Variants in DMXL2 observed in about 807,000 individuals in gnomAD.
DMXL2 encodes Dmx like 2, also known as dmX-like protein 2.
In DMXL2, 103 loss-of-function variants were observed where a neutral mutation model predicts 331.1. The ratio of observed to expected loss-of-function variants is 0.31; its 90% CI spans 0.27 to 0.37. The LOEUF (loss-of-function observed/expected upper bound fraction) is 0.37, where lower values mean the gene tolerates loss of function less well. Among genes scored for constraint, DMXL2 ranks in the 10% least tolerant of loss-of-function variants. DMXL2 has a pLI of 1.00. For synonymous variants in DMXL2, 1,281 were observed against 1,252.1 expected, an observed-to-expected ratio of 1.02 and a Z score of -0.49; for missense variants, 3,171 against 3,642.9, an observed-to-expected ratio of 0.87 and a Z score of 3.33.
At chr15:51,619,363 T>C (rs2054486351) in intron 1 of DMXL2, among the ~76,000 whole-genome samples, 1 of 152,240 alleles carries the variant, frequency 6.6e-6, no homozygotes, top group Non-Finnish European at 1.5e-5. Context: ...TATCTACAGC[T>C]ACATTTACGA....
chr15:51,508,009 T>C (rs2046514143), intron 15 of DMXL2, among the ~76,000 whole-genome samples: 1 of 152,216 alleles, frequency 6.6e-6, no homozygotes, highest in South Asian at 2.1e-4. Flanking sequence ...TTAAAACTCA[T>C]AATGACAACA....
chr15:51,474,617 G>A, intron 27 of DMXL2, 25 bp from the exon 28 acceptor site: 1 of 1,553,982 alleles, frequency 6.4e-7, no homozygotes, highest in Non-Finnish European at 8.7e-7. Flanking sequence ...AAAATCATAA[G>A]ACGTATGTCA....
chr15:51,523,861 C>T (rs981314335), intron 13 of DMXL2, among the ~76,000 whole-genome samples: 5 of 152,184 alleles, frequency 3.3e-5, no homozygotes, highest in African/African-American at 1.2e-4. Context: ...AAAGGAGAAA[C>T]AGACAAATTC....
At position 51,499,453 on chromosome 15, in the gene DMXL2, A is replaced by G; in HGVS notation, c.3771T>C (p.Asp1257=). Residue 1257 remains aspartate, a synonymous_variant, in exon 18 of 44, where the codon GAT becomes GAC. Transcript: ENST00000560891. Reference sequence around the variant, plus strand: ...AATCCATTCCTACCACCAATATCCCATCTCTTACCCAAGAGAGAGAAACAG... The same window carrying G: ...AATCCATTCCTACCACCAATATCCCGTCTCTTACCCAAGAGAGAGAAACAG... ...SLPVSLSWVR[D]GILVVGMDCE... is the part of the protein sequence containing the mutation. 2 of 1,614,040 alleles carry G rather than the reference A, an allele frequency of 1.2e-6. No homozygotes were observed. Among genetic ancestry groups the G allele is most frequent in the Non-Finnish European group, 1.7e-6 (2 of 1,180,006 alleles).
At chr15:51,592,871 T>C (rs2052495320) in intron 1 of DMXL2, among the ~76,000 whole-genome samples, 1 of 152,158 alleles carries the variant, frequency 6.6e-6, no homozygotes, top group African/African-American at 2.4e-5. Flanking sequence ...TGCTGAGAGA[T>C]TTTGTCACTG....
rs1211279042 is a variant in DMXL2, at chr15:51,536,611, C to T, written c.1869G>A (p.Gln623=). Residue 623 remains glutamine (Q), a synonymous_variant, in exon 12 of 44, where the codon CAG becomes CAA. Coordinates refer to ENST00000560891, the MANE Select transcript of DMXL2 (RefSeq NM_001378457.1). ...ACTTATCAGCAAAAGTGACTGCCCACTGATTTAAAGAACCATCTATGTGTT... is the reference window on the plus strand; with the variant it reads ...ACTTATCAGCAAAAGTGACTGCCCATTGATTTAAAGAACCATCTATGTGTT... ...ISKHIDGSLN[Q]WAVTFADKSA... is the part of the protein sequence containing the mutation. 4 of 1,613,962 alleles carry T rather than the reference C, an allele frequency of 2.5e-6. No individual in the cohort carries two copies. In the African/African-American group the frequency reaches 5.3e-5, roughly 22 times the overall value.
At chr15:51,507,003 G>C (rs2046444087) in intron 16 of DMXL2, 131 bp downstream of exon 16, 1 of 705,046 alleles carries the variant, frequency 1.4e-6, no homozygotes, top group Non-Finnish European at 2.0e-6. Flanking sequence ...TAAAAGTTTA[G>C]AAGAGACATA....
intron 6 of DMXL2, among the ~76,000 whole-genome samples, chr15:51,555,013 C>T (rs2049466927): frequency 3.9e-5 from 6 of 152,104 alleles, no homozygotes; most frequent in Admixed American, 3.9e-4. Context: ...CAAAAATTAG[C>T]CAGGTGTGGT....
intron 13 of DMXL2, among the ~76,000 whole-genome samples, chr15:51,522,516 CGCCTGT>C (rs1567064379): frequency 6.6e-6 from 1 of 152,094 alleles, no homozygotes; most frequent in Non-Finnish European, 1.5e-5. Context: ...TGGTGGCAGA[CGCCTGT>C]AGTCCCAGCT....
At chr15:51,476,743 T>C (rs755468775) in intron 26 of DMXL2, 24 bp from the exon 27 acceptor site, 1 of 1,579,348 alleles carries the variant, frequency 6.3e-7, no homozygotes, top group South Asian at 1.2e-5. Context: ...GTTCAGTTAT[T>C]TATCATCCTG....
At position 51,464,545 on chromosome 15, in the gene DMXL2, G is replaced by A. The variant is rs959638469; in HGVS notation, c.7808+130C>T. On this transcript the variant is annotated intron_variant, in intron 32 of 43. Coordinates refer to ENST00000560891, the MANE Select transcript of DMXL2 (RefSeq NM_001378457.1). The stretch of plus-strand genomic sequence containing the variant: ...CAAATTTCTGATATTTTTCTTAAGC[G>A]TATTCTGCTAAAAATAGGACTGCAG... 18 of 669,196 alleles carry A rather than the reference G, an allele frequency of 2.7e-5. 1 individual carries two copies. Among genetic ancestry groups the A allele is most frequent in the South Asian group, 1.8e-4 (8 of 45,074 alleles). 41.5% of individuals were successfully genotyped at this position (669,196 alleles called of 1,614,324 possible).
chr15:51,589,920 C>T (rs2052163540), intron 1 of DMXL2, among the ~76,000 whole-genome samples: 1 of 152,102 alleles, frequency 6.6e-6, no homozygotes. Context: ...ATGTTTATTG[C>T]ACCATTATGT....
intron 3 of DMXL2, among the ~76,000 whole-genome samples, chr15:51,565,631 T>A (rs576039808): frequency 6.6e-6 from 1 of 152,352 alleles, no homozygotes; most frequent in Non-Finnish European, 1.5e-5. Context: ...CTCCTCCCAC[T>A]AAATTGCAAC....
chr15:51,601,418 T>C (rs1416677531), intron 1 of DMXL2, among the ~76,000 whole-genome samples: 6 of 152,158 alleles, frequency 3.9e-5, no homozygotes, highest in Admixed American at 3.3e-4. Flanking sequence ...GTCTTGCACA[T>C]CTCTAATCTA....
intron 6 of DMXL2, among the ~76,000 whole-genome samples, chr15:51,562,028 A>G (rs1232826036): frequency 6.6e-6 from 1 of 152,242 alleles, no homozygotes; most frequent in Non-Finnish European, 1.5e-5. Flanking sequence ...ACAGTTAGAT[A>G]GATGGAATAA....
intron 13 of DMXL2, among the ~76,000 whole-genome samples, chr15:51,527,005 A>G (rs147549170): frequency 6.6e-6 from 1 of 152,330 alleles, no homozygotes; most frequent in East Asian, 1.9e-4. Context: ...AATTCCCAAG[A>G]CTACAGAAAG....
At chr15:51,598,036 G>C (rs1488964404) in intron 1 of DMXL2, among the ~76,000 whole-genome samples, 8 of 152,116 alleles carry the variant, frequency 5.3e-5, no homozygotes, top group African/African-American at 1.2e-4. Context: ...GTCAAATATA[G>C]ATGTTGCAAT....
intron 13 of DMXL2, among the ~76,000 whole-genome samples, chr15:51,522,881 T>C (rs567038993): frequency 6.6e-6 from 1 of 152,342 alleles, no homozygotes; most frequent in African/African-American, 2.4e-5. Flanking sequence ...AATCCCACTT[T>C]AGATCAGGTT....
chr15:51,463,126 C>T (rs1347320626), intron 33 of DMXL2: 1 of 270,776 alleles, frequency 3.7e-6, no homozygotes, highest in Non-Finnish European at 7.0e-6. Context: ...TGTGTAAAAA[C>T]CTAATGACAA....
Sources: gnomAD v4.1 joint callset for allele counts (sites outside exome capture counted in the v4.1 genomes callset) on GRCh38, gnomAD v4.1.1 for gene constraint, MANE v1.5 for transcripts, NCBI Gene and HGNC (gene_info 2026-07-23, HGNC 2026-07-21) for gene names.